Variants in NXPE2 observed in about 807,000 individuals in gnomAD.
NXPE2 encodes the protein NXPE family member 2.
In NXPE2, 34 loss-of-function variants were observed where a neutral mutation model predicts 34.4. The ratio of observed to expected loss-of-function variants is 0.99; its 90% CI spans 0.75 to 1.31. The LOEUF is 1.31. Ranked by LOEUF, NXPE2 falls within the 40% of genes most tolerant of loss-of-function variation. NXPE2 has a pLI of 0.00. For missense variants in NXPE2, 649 were observed against 672.5 expected, an observed-to-expected ratio of 0.97 and a Z score of 0.39; for synonymous variants, 235 against 231.3, an observed-to-expected ratio of 1.02 and a Z score of -0.15.
At chr11:114,617,726 A>G in the NXPE2 span, among the ~76,000 whole-genome samples, 1 of 151,972 alleles carries the variant, frequency 6.6e-6, no homozygotes, top group African/African-American at 2.4e-5. Context: ...CCAATGCGTA[A>G]TAAGTATTGC....
At chr11:114,581,736 G>C in the NXPE2 span, 1 of 1,611,838 alleles carries the variant, frequency 6.2e-7, no homozygotes, top group Non-Finnish European at 8.5e-7. Context: ...GTTGCATTTG[G>C]AGACACTAAT....
the NXPE2 span, chr11:114,580,104 A>G: frequency 6.4e-7 from 1 of 1,563,448 alleles, no homozygotes; most frequent in Non-Finnish European, 8.8e-7. Flanking sequence ...TGAAAGGGGT[A>G]AGAATTATAG....
the NXPE2 span, among the ~76,000 whole-genome samples, chr11:114,785,463 C>T: frequency 6.6e-6 from 1 of 152,042 alleles, no homozygotes; most frequent in Admixed American, 6.6e-5. Context: ...CTTTTATTTG[C>T]CGTGTTATTT....
the NXPE2 span, among the ~76,000 whole-genome samples, chr11:114,633,048 CATT>C: frequency 5.1e-3 from 524 of 103,232 alleles, 4 homozygotes; most frequent in Non-Finnish European, 6.4e-3. Flanking sequence ...TATATAATTG[CATT>C]ATTATTTTAT....
At chr11:114,663,637 C>CATCTATCATCTATCTATCATCT in the NXPE2 span, among the ~76,000 whole-genome samples, 1 of 138,754 alleles carries the variant, frequency 7.2e-6, no homozygotes, top group African/African-American at 2.8e-5. Context: ...ATCTATCTAT[C>CATCTATCATCTATCTATCATCT]ATCTATCCAT....
the NXPE2 span, chr11:114,553,600 A>C: frequency 1.1e-5 from 5 of 455,840 alleles, no homozygotes; most frequent in Admixed American, 3.2e-4. Context: ...TCAAGATCAC[A>C]TTTGTCTAAG....
At chr11:114,552,421 G>A in the NXPE2 span, among the ~76,000 whole-genome samples, 47 of 151,856 alleles carry the variant, frequency 3.1e-4, no homozygotes, top group South Asian at 3.3e-3. Context: ...AATGTCTATC[G>A]CAGCATTCCA....
At chr11:114,613,289 G>T in the NXPE2 span, among the ~76,000 whole-genome samples, 1 of 151,814 alleles carries the variant, frequency 6.6e-6, no homozygotes, top group African/African-American at 2.4e-5. Context: ...CTGTTACTAG[G>T]TGGATAATAA....
At chr11:114,637,004 T>A in the NXPE2 span, among the ~76,000 whole-genome samples, 1 of 152,158 alleles carries the variant, frequency 6.6e-6, no homozygotes, top group Non-Finnish European at 1.5e-5. Context: ...CTGAGTTCAA[T>A]TCCTGGGTAT....
At chr11:114,634,033 G>T in the NXPE2 span, among the ~76,000 whole-genome samples, 1 of 151,786 alleles carries the variant, frequency 6.6e-6, no homozygotes, top group Admixed American at 6.6e-5. Context: ...CTGAGGATTC[G>T]CCACACTGAC....
At chr11:114,512,901 A>G in the NXPE2 span, 3 of 251,854 alleles carry the variant, frequency 1.2e-5, no homozygotes, top group Non-Finnish European at 2.4e-5. Context: ...CCAGAGCGCA[A>G]TCAGTATTGA....
At chr11:114,801,253 C>CAG in the NXPE2 span, among the ~76,000 whole-genome samples, 3,272 of 152,212 alleles carry the variant, frequency 0.021, 122 homozygotes, top group African/African-American at 0.075. Flanking sequence ...ACTAAAGAAT[C>CAG]AGAGATAACT....
the NXPE2 span, among the ~76,000 whole-genome samples, chr11:114,514,557 T>A: frequency 1.4e-4 from 22 of 152,158 alleles, no homozygotes; most frequent in African/African-American, 5.3e-4. Flanking sequence ...CCCAGCTAAT[T>A]TTTTGATATT....
chr11:114,668,522 G>A, the NXPE2 span, among the ~76,000 whole-genome samples: 1 of 152,088 alleles, frequency 6.6e-6, no homozygotes, highest in African/African-American at 2.4e-5. Flanking sequence ...GGTACACACA[G>A]AAGGAACCTC....
the NXPE2 span, among the ~76,000 whole-genome samples, chr11:114,744,760 A>C: frequency 6.6e-6 from 1 of 152,124 alleles, no homozygotes; most frequent in Non-Finnish European, 1.5e-5. Context: ...CAGTGTTTGC[A>C]CCACTGCACT....
the NXPE2 span, among the ~76,000 whole-genome samples, chr11:114,654,488 AC>A: frequency 6.6e-6 from 1 of 151,858 alleles, no homozygotes; most frequent in African/African-American, 2.4e-5. Context: ...CCAACCCCCA[AC>A]AGGCTCTGGT....
chr11:114,745,267 C>CT, the NXPE2 span, among the ~76,000 whole-genome samples: 2 of 152,100 alleles, frequency 1.3e-5, no homozygotes, highest in African/African-American at 4.8e-5. Flanking sequence ...GCACCAGCGT[C>CT]TATTTTGGGG....
At chr11:114,636,785 C>A in the NXPE2 span, among the ~76,000 whole-genome samples, 4 of 152,180 alleles carry the variant, frequency 2.6e-5, no homozygotes, top group Middle Eastern at 0.01. Flanking sequence ...GAGTGAGTTT[C>A]TTAATCCTGA....
the NXPE2 span, among the ~76,000 whole-genome samples, chr11:114,810,049 C>T: frequency 7.6e-3 from 1,142 of 151,222 alleles, 10 homozygotes; most frequent in African/African-American, 0.027. Flanking sequence ...TATCTACAAC[C>T]ATCTGATCTT....
Sources: gnomAD v4.1 joint callset for allele counts (sites outside exome capture counted in the v4.1 genomes callset) on GRCh38, gnomAD v4.1.1 for gene constraint, MANE v1.5 for transcripts, NCBI Gene and HGNC (gene_info 2026-07-23, HGNC 2026-07-21) for gene names.